Variants in PDE1C observed in about 807,000 individuals in gnomAD.
PDE1C encodes dual specificity calcium/calmodulin-dependent 3',5'-cyclic nucleotide phosphodiesterase 1C.
PDE1C carries 62 observed loss-of-function variants against 93.1 expected under a neutral mutation model. The ratio of observed to expected loss-of-function variants is 0.67; its 90% CI spans 0.54 to 0.82. The LOEUF (loss-of-function observed/expected upper bound fraction) is 0.82. Among genes scored for constraint, PDE1C ranks in the 40% least tolerant of loss-of-function variants. PDE1C has a pLI of 0.00. For synonymous variants in PDE1C, 325 were observed against 310.1 expected (o/e 1.05, Z -0.50); for missense variants, 742 against 884.6 (o/e 0.84, Z 2.04).
chr7:31,868,183 C>A (rs1043116203), intron 6 of PDE1C, among the ~76,000 whole-genome samples: 1 of 152,122 alleles, frequency 6.6e-6, no homozygotes, highest in African/African-American at 2.4e-5. Context: ...ACTAATTACC[C>A]AGCAAGAGAC....
At chr7:32,132,581 G>C (rs554983977) in intron 3 of PDE1C, among the ~76,000 whole-genome samples, 7 of 152,208 alleles carry the variant, frequency 4.6e-5, no homozygotes, top group Non-Finnish European at 8.8e-5. Context: ...TAGGAGGATG[G>C]CTTGAGCCCA....
At chr7:31,836,951 T>C (rs922695264) in intron 11 of PDE1C, among the ~76,000 whole-genome samples, 1 of 152,118 alleles carries the variant, frequency 6.6e-6, no homozygotes, top group African/African-American at 2.4e-5. Context: ...AATACTTTTT[T>C]TCCCCCAAAC....
intron 2 of PDE1C, among the ~76,000 whole-genome samples, chr7:31,952,319 G>A (rs568383828): frequency 1.2e-4 from 18 of 151,680 alleles, no homozygotes; most frequent in Non-Finnish European, 1.5e-4. Flanking sequence ...GCGTAATCTC[G>A]ACTCACTGCA....
chr7:32,326,316 A>C (rs1783402724), intron 1 of PDE1C, among the ~76,000 whole-genome samples: 1 of 152,232 alleles, frequency 6.6e-6, no homozygotes, highest in South Asian at 2.1e-4. Context: ...TGTGGGAGTC[A>C]CTGGCATATG....
intron 1 of PDE1C, among the ~76,000 whole-genome samples, chr7:32,390,974 CA>C (rs1186515503): frequency 6.6e-6 from 1 of 151,904 alleles, no homozygotes; most frequent in Non-Finnish European, 1.5e-5. Context: ...AACATAAGAA[CA>C]AAAAAGACAC....
chr7:31,975,652 A>T (rs1811572322), intron 2 of PDE1C, among the ~76,000 whole-genome samples: 1 of 152,156 alleles, frequency 6.6e-6, no homozygotes, highest in South Asian at 2.1e-4. Context: ...CTGCTCCACC[A>T]CTTACTATAT....
the PDE1C span, among the ~76,000 whole-genome samples, chr7:31,745,543 A>G: frequency 6.6e-6 from 1 of 152,228 alleles, no homozygotes; most frequent in Non-Finnish European, 1.5e-5. Flanking sequence ...AATCCCAGCA[A>G]AAGGCCACTT....
chr7:31,985,970 TC>T (rs1238857165), intron 2 of PDE1C, among the ~76,000 whole-genome samples: 2 of 152,124 alleles, frequency 1.3e-5, no homozygotes, highest in African/African-American at 4.8e-5. Context: ...ATTGGCCAAC[TC>T]CCCTCACAGT....
At position 32,077,019 on chromosome 7, in the gene PDE1C, C is replaced by T. The variant is rs114908143; in HGVS notation, c.308+92766G>A. 4.7e-3 allele frequency among the ~76,000 whole-genome samples: 710 copies of T among 151,792 alleles called. 8 individuals carry two copies. The highest frequency in any genetic ancestry group is 0.016 in the African/African-American group (682 of 41,394). ...TTGGAGGCCGAGGCAGGCAGATTGC[C>T]TGAGGTCAAGAGTTCAAGGCAAGCC... On this transcript the variant is annotated intron_variant, in intron 3 of 18. Coordinates refer to the PDE1C transcript ENST00000396193.
intron 2 of PDE1C, among the ~76,000 whole-genome samples, chr7:31,920,340 A>C (rs1232143139): frequency 6.6e-6 from 1 of 151,958 alleles, no homozygotes; most frequent in Non-Finnish European, 1.5e-5. Flanking sequence ...CTAAATCTAC[A>C]CTATTCTGGA....
At chr7:32,170,207 C>T (rs1802555301) in intron 2 of PDE1C, among the ~76,000 whole-genome samples, 1 of 152,076 alleles carries the variant, frequency 6.6e-6, no homozygotes, top group Non-Finnish European at 1.5e-5. Flanking sequence ...GGTGATCAGC[C>T]CAAACTCCTG....
At chr7:32,029,813 G>T (rs770004667) in intron 2 of PDE1C, among the ~76,000 whole-genome samples, 3 of 152,018 alleles carry the variant, frequency 2.0e-5, no homozygotes, top group Admixed American at 6.6e-5. Context: ...ATAGAAAGCA[G>T]AGTTTAGCCA....
At chr7:32,158,079 C>G (rs182174808) in intron 3 of PDE1C, among the ~76,000 whole-genome samples, 1 of 152,154 alleles carries the variant, frequency 6.6e-6, no homozygotes, top group Non-Finnish European at 1.5e-5. Flanking sequence ...AATTATAACA[C>G]AGGTCCCCTT....
At chr7:32,129,489 G>T (rs879853651) in intron 3 of PDE1C, among the ~76,000 whole-genome samples, 5 of 124,194 alleles carry the variant, frequency 4.0e-5, no homozygotes, top group Non-Finnish European at 8.1e-5. Context: ...TAATGTAAAT[G>T]TAACATTTTT....
At chr7:31,880,719 C>T (rs373584401) in intron 3 of PDE1C, 28 bp downstream of exon 3, 116 of 1,349,436 alleles carry the variant, frequency 8.6e-5, no homozygotes, top group Non-Finnish European at 1.2e-4. Flanking sequence ...TATCACTATA[C>T]TAATCTCTTT....
chr7:31,931,821 C>T (rs1804324446), intron 2 of PDE1C, among the ~76,000 whole-genome samples: 1 of 152,170 alleles, frequency 6.6e-6, no homozygotes, highest in South Asian at 2.1e-4. Flanking sequence ...AGGCATCACA[C>T]TACCTGACTT....
intron 2 of PDE1C, among the ~76,000 whole-genome samples, chr7:31,998,236 G>T (rs541954342): frequency 7.2e-5 from 11 of 152,144 alleles, no homozygotes; most frequent in African/African-American, 2.7e-4. Context: ...AGCCAGGATG[G>T]TCTCGATCTC....
chr7:31,941,699 T>C (rs1394284353), intron 2 of PDE1C: 2 of 152,376 alleles, frequency 1.3e-5, no homozygotes, highest in Admixed American at 6.5e-5. Flanking sequence ...AACTGAACAT[T>C]GGACTAAAGG....
chr7:31,890,133 A>C (rs79670793), intron 2 of PDE1C, among the ~76,000 whole-genome samples: 12,524 of 152,204 alleles, frequency 0.082, 609 homozygotes, highest in Middle Eastern at 0.17. Context: ...TGAAGAAATA[A>C]AAAAGAATGA....
Sources: allele counts gnomAD v4.1 joint callset (sites outside exome capture counted in the v4.1 genomes callset), GRCh38; gene constraint gnomAD v4.1.1; transcripts MANE v1.5; gene names NCBI Gene and HGNC (gene_info 2026-07-23, HGNC 2026-07-21).